Variants in PTPRD observed in about 807,000 individuals in gnomAD.
The protein encoded by PTPRD is protein tyrosine phosphatase receptor type D, also known as receptor-type tyrosine-protein phosphatase delta.
A neutral mutation model predicts 214.5 loss-of-function variants in PTPRD; 34 were observed. The ratio of observed to expected loss-of-function variants is 0.16; its 90% CI spans 0.12 to 0.21. The LOEUF (loss-of-function observed/expected upper bound fraction) is 0.21. Ranked by LOEUF, PTPRD falls within the 10% of genes least tolerant of loss-of-function variation. The probability of loss-of-function intolerance (pLI) is 1.00; values close to 1 mark genes in which losing one functional copy is unlikely to be tolerated. For synonymous variants in PTPRD, 1,128 were observed against 845.7 expected (o/e 1.33, Z -5.79); for missense variants, 2,545 against 2,398.7 (o/e 1.06, Z -1.27).
intron 3 of PTPRD, among the ~76,000 whole-genome samples, chr9:10,321,529 T>A (rs112642248): frequency 6.6e-6 from 1 of 152,068 alleles, no homozygotes; most frequent in South Asian, 2.1e-4. Context: ...CAAAGTGGAA[T>A]GTGGTTGATT....
At chr9:10,333,116 C>T (rs2096781257) in intron 3 of PTPRD, among the ~76,000 whole-genome samples, 2 of 151,624 alleles carry the variant, frequency 1.3e-5, no homozygotes, top group Non-Finnish European at 1.5e-5. Context: ...CTGTAAAATA[C>T]GAAGTGAGGA....
rs143706504 is a variant in PTPRD at position 10,194,070 on chromosome 9, C to T, written c.-545+146893G>A. ...ATAAATGATAACACCCAAATACGTA[C>T]TCAGTATTCAAAGCAACGTTCAGCC... On this transcript the variant is annotated intron_variant, in intron 3 of 45. Coordinates refer to ENST00000381196, the MANE Select transcript of PTPRD (RefSeq NM_002839.4). Among the ~76,000 whole-genome samples the T allele has an allele frequency of 4.3e-4, 66 of 152,012 alleles. 1 individual carries two copies. The highest frequency in any genetic ancestry group is 1.4e-3 in the African/African-American group (56 of 41,472).
At chr9:10,178,890 G>A (rs916823910) in intron 3 of PTPRD, among the ~76,000 whole-genome samples, 2 of 151,824 alleles carry the variant, frequency 1.3e-5, no homozygotes, top group Admixed American at 6.6e-5. Flanking sequence ...ACAATATATA[G>A]ATAAGTAAAA....
Position 9,260,416 on chromosome 9 carries a change from C to A in PTPRD, c.-202-77053G>T, listed in dbSNP as rs560930297. 6.1e-4 allele frequency among the ~76,000 whole-genome samples: 92 copies of A among 152,012 alleles called. No homozygotes were observed. In the Middle Eastern group the frequency reaches 0.01, roughly 17 times the overall value. ...TATTTCTACCTCTGGGAAACAACTT[C>A]TTTTACCTTTGCTTGAGGGAAAAAT... On this transcript the variant is annotated intron_variant, in intron 9 of 45. Coordinates refer to ENST00000381196, the MANE Select transcript of PTPRD (RefSeq NM_002839.4).
At chr9:10,259,002 T>G (rs1294253914) in intron 3 of PTPRD, among the ~76,000 whole-genome samples, 1 of 152,088 alleles carries the variant, frequency 6.6e-6, no homozygotes, top group Non-Finnish European at 1.5e-5. Flanking sequence ...TGTTGTTTGT[T>G]TCTTTTGTTT....
At chr9:10,527,869 A>C (rs188180783) in intron 2 of PTPRD, among the ~76,000 whole-genome samples, 2 of 152,276 alleles carry the variant, frequency 1.3e-5, no homozygotes, top group Non-Finnish European at 2.9e-5. Flanking sequence ...TATTTATGGC[A>C]TTATGAGAAA....
At chr9:8,680,857 C>G (rs976950361) in intron 12 of PTPRD, among the ~76,000 whole-genome samples, 5 of 152,122 alleles carry the variant, frequency 3.3e-5, no homozygotes, top group Admixed American at 2.6e-4. Context: ...GCTTACAAAT[C>G]CAACATGTAG....
At chr9:9,422,833 C>T (rs935373020) in intron 8 of PTPRD, among the ~76,000 whole-genome samples, 19 of 152,080 alleles carry the variant, frequency 1.2e-4, no homozygotes, top group African/African-American at 4.1e-4. Flanking sequence ...TTAAGCCTTA[C>T]AAGGTAAAAG....
At chr9:9,071,919 C>A in intron 10 of PTPRD, among the ~76,000 whole-genome samples, 1 of 152,090 alleles carries the variant, frequency 6.6e-6, no homozygotes, top group East Asian at 1.9e-4. Context: ...ATGCTTTTAA[C>A]CTGTTTGTGT....
chr9:9,295,531 T>C (rs762134730), intron 9 of PTPRD, among the ~76,000 whole-genome samples: 1 of 151,766 alleles, frequency 6.6e-6, no homozygotes, highest in Non-Finnish European at 1.5e-5. Flanking sequence ...ACTTGAAACA[T>C]ACTTTATTGC....
At chr9:9,560,557 T>C (rs1010581570) in intron 8 of PTPRD, among the ~76,000 whole-genome samples, 4 of 152,138 alleles carry the variant, frequency 2.6e-5, no homozygotes, top group Admixed American at 6.5e-5. Flanking sequence ...TGCCACCGGG[T>C]ACCACAGCCC....
chr9:9,045,492 C>T (rs547717773), intron 10 of PTPRD, among the ~76,000 whole-genome samples: 6 of 152,098 alleles, frequency 3.9e-5, no homozygotes, highest in African/African-American at 1.4e-4. Flanking sequence ...GACCTCAGTG[C>T]AGCCTGTTTC....
chr9:10,583,200 T>C (rs1024256545), intron 2 of PTPRD, among the ~76,000 whole-genome samples: 1 of 152,120 alleles, frequency 6.6e-6, no homozygotes, highest in African/African-American at 2.4e-5. Flanking sequence ...AGAAGTAAAG[T>C]TATTGTGGAA....
In PTPRD at chr9:8,331,506, TTACTACAAAA is replaced by T; in HGVS notation, c.5534+66_5534+75del. 3 of 1,514,752 alleles carry T rather than the reference TTACTACAAAA, an allele frequency of 2.0e-6. No homozygotes were observed. In the South Asian group the frequency reaches 3.7e-5, roughly 19 times the overall value. 93.8% of individuals were successfully genotyped at this position (1,514,752 alleles called of 1,614,324 possible). ...AGAATAAAATTTCAAATAAGCAAAC[TTACTACAAAA>T]AGTGTATACAGACAATGAAGAAACA... On this transcript the variant is annotated intron_variant, in intron 44 of 45. Transcript: ENST00000381196.
At chr9:9,060,331 T>G (rs1371281922) in intron 10 of PTPRD, among the ~76,000 whole-genome samples, 1 of 152,162 alleles carries the variant, frequency 6.6e-6, no homozygotes, top group East Asian at 1.9e-4. Context: ...AATTTGACTC[T>G]TATCTCACAT....
intron 3 of PTPRD, among the ~76,000 whole-genome samples, chr9:10,177,604 G>A (rs988619855): frequency 2.0e-5 from 3 of 151,874 alleles, no homozygotes; most frequent in African/African-American, 7.2e-5. Flanking sequence ...GGTGAACTAT[G>A]ATAGGGGCTC....
At chr9:9,542,223 A>G (rs1235931241) in intron 8 of PTPRD, among the ~76,000 whole-genome samples, 1 of 151,748 alleles carries the variant, frequency 6.6e-6, no homozygotes, top group African/African-American at 2.4e-5. Flanking sequence ...ACAATTAGAG[A>G]ATATCTTGAG....
At position 8,317,308 on chromosome 9, in the gene PTPRD, T is replaced by TA. The variant is rs944950989; in HGVS notation, c.*565dup. ...CACTTTATCGAATGATACATTTTGT[T>TA]AAAAAAAAGTTTACACAGTTAGAAA... On this transcript the variant is annotated 3_prime_UTR_variant, in exon 46 of 46. Transcript: ENST00000381196. The TA allele has an allele frequency of 1.3e-5, 3 of 231,966 alleles. No individual in the cohort carries two copies. Among genetic ancestry groups the TA allele is most frequent in the Admixed American group, 5.7e-5 (1 of 17,664 alleles). 14.4% of individuals were successfully genotyped at this position (231,966 alleles called of 1,614,324 possible). A position where few individuals can be genotyped will look rare whatever the true frequency, so the allele number is the denominator to read the frequency against.
chr9:9,290,800 G>C (rs761188229), intron 9 of PTPRD, among the ~76,000 whole-genome samples: 3 of 151,450 alleles, frequency 2.0e-5, no homozygotes, highest in Non-Finnish European at 4.4e-5. Flanking sequence ...TTCCAGTGAT[G>C]AATATTATAA....
Sources: allele counts gnomAD v4.1 joint callset (sites outside exome capture counted in the v4.1 genomes callset), GRCh38; gene constraint gnomAD v4.1.1; transcripts MANE v1.5; gene names NCBI Gene and HGNC (gene_info 2026-07-23, HGNC 2026-07-21).